The following NOS1 variants were observed in gnomAD, a reference collection of about 807,000 sequenced individuals.
NOS1 encodes the protein nitric oxide synthase 1, also known as NOS type I.
A neutral mutation model predicts 164.5 loss-of-function variants in NOS1; 51 were observed. That is an observed-to-expected ratio of 0.31 (90% confidence interval 0.25 to 0.39). The LOEUF (loss-of-function observed/expected upper bound fraction) is 0.39, where lower values mean the gene tolerates loss of function less well. NOS1 is among the 10% of genes least tolerant of loss of function. The pLI is 1.00. For synonymous variants in NOS1, 719 were observed against 745.8 expected (o/e 0.96, Z 0.59); for missense variants, 1,362 against 1,885.6 (o/e 0.72, Z 5.14).
chr12:117,222,634 G>T, intron 26 of NOS1, 81 bp downstream of exon 26: 1 of 1,324,626 alleles, frequency 7.5e-7, no homozygotes, highest in Non-Finnish European at 1.1e-6. Flanking sequence ...TTAAGAGTGA[G>T]GGTGAGGGGT....
In NOS1 at chr12:117,213,106, C is replaced by T; in HGVS notation, c.*2203G>A. The T allele has an allele frequency of 2.0e-6, 2 of 985,440 alleles. No individual in the cohort carries two copies. The highest frequency in any genetic ancestry group is 2.4e-6 in the Non-Finnish European group (2 of 829,940). The allele number at this position is 985,440 out of a possible 1,614,324, so 61.0% of individuals were successfully genotyped here. A position where few individuals can be genotyped will look rare whatever the true frequency, so the allele number is the denominator to read the frequency against. On this transcript the variant is annotated 3_prime_UTR_variant, in exon 29 of 29. Transcript: ENST00000317775. ...CATGCAGAAAGGAGGTGCCTGGCAC[C>T]TTGTAAGCGCTTCTAAGTATTTATT...
Position 117,272,757 on chromosome 12 carries a change from C to T in NOS1, c.1665-198G>A, listed in dbSNP as rs1179099383. On this transcript the variant is annotated intron_variant, in intron 9 of 28. Transcript: ENST00000317775. The surrounding 1 kb of genome is among the most constrained non-coding windows in gnomAD (Gnocchi z 4.3). The stretch of plus-strand genomic sequence containing the variant: ...GAGAATGTGCATTTTTAACGTATTT[C>T]TCAGGTGCTTCGGATGGATATTCAG... 6.6e-6 allele frequency among the ~76,000 whole-genome samples: 1 copy of T among 152,182 alleles called. No individual in the cohort carries two copies. The highest frequency in any genetic ancestry group is 1.5e-5 in the Non-Finnish European group (1 of 68,032).
At position 117,331,233 on chromosome 12, in the gene NOS1, G is replaced by A. The variant is rs3741481; in HGVS notation, c.-164C>T. On this transcript the variant is annotated 5_prime_UTR_variant, in exon 2 of 29. It adds an upstream start codon to the 5' untranslated region. Coordinates refer to ENST00000317775, the MANE Select transcript of NOS1 (RefSeq NM_000620.5). The stretch of plus-strand genomic sequence containing the variant: ...TCTCTGTCTTTGACGTCAGCTCAGC[G>A]TCACCCACTCATGGCTGGTGGCCCG... 8.1e-4 allele frequency: 660 copies of A among 814,936 alleles called. 9 individuals carry two copies. In the East Asian group the frequency reaches 0.015, roughly 18 times the overall value. The allele number at this position is 814,936 out of a possible 1,614,324, so 50.5% of individuals were successfully genotyped here. A position where few individuals can be genotyped will look rare whatever the true frequency, so the allele number is the denominator to read the frequency against.
chr12:117,219,185 G>C (rs1956659786), intron 27 of NOS1, among the ~76,000 whole-genome samples: 1 of 152,032 alleles, frequency 6.6e-6, no homozygotes, highest in Non-Finnish European at 1.5e-5. Flanking sequence ...CACCATGTTG[G>C]TTGGCCAGGA....
chr12:117,329,760 G>A (rs41376150), intron 2 of NOS1, among the ~76,000 whole-genome samples: 335 of 152,202 alleles, frequency 2.2e-3, no homozygotes, highest in African/African-American at 6.3e-3. Context: ...GCAAGACTGC[G>A]GTTTTTAGGA....
chr12:117,252,154 C>A (rs574139133), intron 17 of NOS1, among the ~76,000 whole-genome samples: 6 of 152,316 alleles, frequency 3.9e-5, no homozygotes, highest in Admixed American at 1.3e-4. Flanking sequence ...AATTCCTGAA[C>A]ATTCTCAATT....
intron 1 of NOS1, among the ~76,000 whole-genome samples, chr12:117,355,096 T>G (rs1876798218): frequency 6.6e-6 from 1 of 152,132 alleles, no homozygotes; most frequent in African/African-American, 2.4e-5. Context: ...AGTGGGCAAA[T>G]GTTCCCAGCA....
intron 16 of NOS1, among the ~76,000 whole-genome samples, chr12:117,256,347 C>T (rs192519153): frequency 3.0e-4 from 43 of 142,078 alleles, no homozygotes; most frequent in African/African-American, 8.5e-4. Flanking sequence ...AGCGCAATCT[C>T]GGCTCACCGC....
At chr12:117,276,295 T>G (rs1038254255) in intron 9 of NOS1, among the ~76,000 whole-genome samples, 9 of 152,210 alleles carry the variant, frequency 5.9e-5, no homozygotes, top group Non-Finnish European at 1.3e-4. Context: ...TAACTATTTT[T>G]TTTTTGAGAT....
intron 3 of NOS1, among the ~76,000 whole-genome samples, chr12:117,302,889 G>T (rs1055844407): frequency 6.6e-6 from 1 of 151,970 alleles, no homozygotes; most frequent in Non-Finnish European, 1.5e-5. Flanking sequence ...GGGACTACAG[G>T]CACACGCCAC....
At position 117,220,112 on chromosome 12, in the gene NOS1, G is replaced by A. The variant is rs746952051; in HGVS notation, c.4133C>T (p.Ser1378Leu). Residue 1378 changes from serine to leucine, a missense_variant, in exon 27 of 29, where the codon TCG (serine) becomes TTG (leucine). Ser to Leu is a moderately radical substitution (Grantham distance 145). This residue lies in a region of NOS1 where 737 missense variants were observed against 1,030.3 expected (regional missense o/e 0.72). Transcript: ENST00000317775. ...QRIMTQQGKLSAEDAGVFISR... is the reference protein window; with the variant it reads ...QRIMTQQGKLLAEDAGVFISR... Reference sequence around the variant, plus strand: ...GATGAATACGCCGGCGTCCTCTGCCGAGAGCTTCCCCTGCTGGGTCATGAT... The same window carrying A: ...GATGAATACGCCGGCGTCCTCTGCCAAGAGCTTCCCCTGCTGGGTCATGAT... 2.5e-6 allele frequency: 4 copies of A among 1,613,284 alleles called. No homozygotes were observed. The highest frequency in any genetic ancestry group is 3.4e-6 in the Non-Finnish European group (4 of 1,179,656).
chr12:117,268,175 G>T (rs1254265665), intron 10 of NOS1, 31 bp from the exon 11 acceptor site: 2 of 1,436,440 alleles, frequency 1.4e-6, no homozygotes, highest in Non-Finnish European at 2.0e-6. Flanking sequence ...AGATATACAG[G>T]CTGGGGTATC....
At chr12:117,278,680 G>GA (rs944286264) in intron 8 of NOS1, among the ~76,000 whole-genome samples, 29 of 141,544 alleles carry the variant, frequency 2.0e-4, no homozygotes, top group South Asian at 7.3e-4. Flanking sequence ...AGCCACATTA[G>GA]AAAAAAAAAA....
intron 3 of NOS1, among the ~76,000 whole-genome samples, chr12:117,293,008 G>A (rs761307863): frequency 6.6e-6 from 1 of 152,184 alleles, no homozygotes; most frequent in African/African-American, 2.4e-5. Context: ...ATGAGTACGT[G>A]CTAGCCAGGC....
chr12:117,332,579 A>T (rs1315524918), intron 1 of NOS1, among the ~76,000 whole-genome samples: 1 of 151,598 alleles, frequency 6.6e-6, no homozygotes, highest in Non-Finnish European at 1.5e-5. Context: ...TAAAAAAAAA[A>T]TCAGGCCGGT....
chr12:117,312,857 T>TATC (rs751741432), intron 2 of NOS1, among the ~76,000 whole-genome samples: 23 of 152,018 alleles, frequency 1.5e-4, no homozygotes, highest in African/African-American at 2.9e-4. Flanking sequence ...GGGCTGTCAC[T>TATC]ATCATCATCA....
intron 18 of NOS1, among the ~76,000 whole-genome samples, chr12:117,246,801 CACCACTT>C (rs775883555): frequency 7.9e-5 from 12 of 152,206 alleles, no homozygotes; most frequent in Admixed American, 4.6e-4. Context: ...TAGCATGTAT[CACCACTT>C]CATTCTTTTT....
At chr12:117,311,332 G>T in intron 3 of NOS1, 134 bp downstream of exon 3, 2 of 1,074,276 alleles carry the variant, frequency 1.9e-6, no homozygotes, top group Non-Finnish European at 2.5e-6. Flanking sequence ...GGCCTCCCAA[G>T]CTCTCCAGCC....
In NOS1 at chr12:117,349,697, GC is replaced by G. The variant is rs1876529060; in HGVS notation, c.-421+11814del. ...GGCTTAGCATGGTACCTAGTCTGTA[GC>G]AAGTACATGAAGAACATTGGCTGGT... On this transcript the variant is annotated intron_variant, in intron 1 of 28. Coordinates refer to ENST00000317775, the MANE Select transcript of NOS1 (RefSeq NM_000620.5). Among the ~76,000 whole-genome samples the G allele has an allele frequency of 3.3e-5, 5 of 152,264 alleles. No individual in the cohort carries two copies. In the South Asian group the frequency reaches 1.0e-3, roughly 32 times the overall value.
Sources: gnomAD v4.1 joint callset for allele counts (sites outside exome capture counted in the v4.1 genomes callset) on GRCh38, gnomAD v4.1.1 for gene constraint, gnomAD v4.1.1 regional missense constraint, Gnocchi (gnomAD v3.1) non-coding constraint, MANE v1.5 for transcripts, NCBI Gene and HGNC (gene_info 2026-07-23, HGNC 2026-07-21) for gene names.